Variants in PNKD observed in about 807,000 individuals in gnomAD.
The protein encoded by PNKD is PNKD metallo-beta-lactamase domain containing, also known as probable thioesterase PNKD.
Under a neutral mutation model 45.3 loss-of-function variants are expected in PNKD, and 36 were observed. The observed-to-expected ratio is 0.80, with a 90% CI of 0.61 to 1.05. PNKD has a LOEUF of 1.05. Ranked by LOEUF, PNKD falls within the 50% of genes least tolerant of loss-of-function variation. The pLI is 0.00. For missense variants in PNKD, 511 were observed against 506.6 expected (o/e 1.01, Z -0.08); for synonymous variants, 197 against 210.1 (o/e 0.94, Z 0.54).
chr2:218,329,734 C>T (rs532615934), intron 2 of PNKD, among the ~76,000 whole-genome samples: 3 of 152,362 alleles, frequency 2.0e-5, no homozygotes, highest in East Asian at 1.9e-4. Context: ...CTGGCAACTT[C>T]GGGGAAACCC....
intron 2 of PNKD, among the ~76,000 whole-genome samples, chr2:218,321,490 C>T (rs946078274): frequency 1.1e-4 from 16 of 152,178 alleles, no homozygotes; most frequent in Admixed American, 2.0e-4. Flanking sequence ...GAAGAAACTC[C>T]AGGTCTGTCT....
chr2:218,271,412 T>G lies in PNKD; in HGVS notation c.99T>G (p.Ala33=). The G allele has an allele frequency of 6.2e-7, 1 of 1,614,056 alleles. No homozygotes were observed. Among genetic ancestry groups the G allele is most frequent in the Non-Finnish European group, 8.5e-7 (1 of 1,179,960 alleles). The change falls in exon 2 of 10, where the codon GCT becomes GCG. Residue 33 remains alanine (A), a synonymous_variant. Coordinates refer to ENST00000273077, the MANE Select transcript of PNKD (RefSeq NM_015488.5). ...GILAGATANK[A]SHNRTRALQS... ...TCGCAGGAGCCACAGCTAACAAGGCTTCTCATAACAGGACCCGGGCCCTGC... is the reference window on the plus strand; with the variant it reads ...TCGCAGGAGCCACAGCTAACAAGGCGTCTCATAACAGGACCCGGGCCCTGC...
intron 2 of PNKD, among the ~76,000 whole-genome samples, chr2:218,337,690 C>T (rs1694537696): frequency 5.3e-5 from 8 of 152,120 alleles, no homozygotes; most frequent in Admixed American, 4.6e-4. Context: ...AACTCCCATG[C>T]GTTGTGTGTC....
chr2:218,297,289 A>G (rs1260926162), intron 2 of PNKD, among the ~76,000 whole-genome samples: 2 of 152,346 alleles, frequency 1.3e-5, no homozygotes, highest in South Asian at 2.1e-4. Flanking sequence ...AAGGAAATAG[A>G]GAGTGGAAAG....
intron 2 of PNKD, among the ~76,000 whole-genome samples, chr2:218,332,911 C>T (rs1201495860): frequency 6.6e-6 from 1 of 152,200 alleles, no homozygotes; most frequent in Non-Finnish European, 1.5e-5. Flanking sequence ...TCCAGCCCTG[C>T]CCAAAGACTC....
At chr2:218,287,040 G>C (rs1692578088) in intron 2 of PNKD, among the ~76,000 whole-genome samples, 1 of 152,100 alleles carries the variant, frequency 6.6e-6, no homozygotes, top group Non-Finnish European at 1.5e-5. Context: ...TGAGTAAAAA[G>C]ATACACCCAG....
At chr2:218,317,318 T>A in intron 2 of PNKD, among the ~76,000 whole-genome samples, 1 of 152,188 alleles carries the variant, frequency 6.6e-6, no homozygotes, top group East Asian at 1.9e-4. Context: ...TTTTACAAGC[T>A]CCCTGAGTGG....
At chr2:218,270,935 G>C in intron 1 of PNKD, 1 of 343,944 alleles carries the variant, frequency 2.9e-6, no homozygotes. Context: ...ATAATTAGCA[G>C]TTTGACCTTG....
intron 2 of PNKD, among the ~76,000 whole-genome samples, chr2:218,314,061 A>G (rs1353187196): frequency 2.6e-5 from 4 of 151,464 alleles, no homozygotes; most frequent in Admixed American, 2.6e-4. Context: ...TGCTGGGATT[A>G]CAGGCATGTG....
intron 2 of PNKD, among the ~76,000 whole-genome samples, chr2:218,336,076 G>C (rs1305565360): frequency 2.0e-5 from 3 of 152,096 alleles, no homozygotes; most frequent in Middle Eastern, 6.8e-3. Context: ...TTAGCCAGGC[G>C]TGGTGGTGGG....
At chr2:218,281,311 A>G (rs1474114887) in intron 2 of PNKD, among the ~76,000 whole-genome samples, 1 of 150,724 alleles carries the variant, frequency 6.6e-6, no homozygotes, top group Non-Finnish European at 1.5e-5. Context: ...AAGTTTTTGT[A>G]TTTTTAGTGG....
chr2:218,332,138 A>T (rs1479039480), intron 2 of PNKD, among the ~76,000 whole-genome samples: 2 of 152,172 alleles, frequency 1.3e-5, no homozygotes, highest in Non-Finnish European at 2.9e-5. Flanking sequence ...TCTCAGCAAA[A>T]TGCGGCGCTT....
At chr2:218,288,338 A>T (rs1692688356) in intron 2 of PNKD, among the ~76,000 whole-genome samples, 1 of 152,224 alleles carries the variant, frequency 6.6e-6, no homozygotes, top group Admixed American at 6.5e-5. Flanking sequence ...CTGAGGCAGA[A>T]GAATGGCATG....
intron 2 of PNKD, among the ~76,000 whole-genome samples, chr2:218,303,168 C>T (rs114509413): frequency 2.6e-5 from 4 of 152,112 alleles, no homozygotes; most frequent in African/African-American, 9.7e-5. Context: ...TCTTGAACTC[C>T]TGGCCTCAGT....
chr2:218,282,693 G>C (rs1280173642), intron 2 of PNKD, among the ~76,000 whole-genome samples: 1 of 152,208 alleles, frequency 6.6e-6, no homozygotes, highest in Non-Finnish European at 1.5e-5. Flanking sequence ...TGGAGAGCCG[G>C]GGGAAGAAGT....
intron 2 of PNKD, among the ~76,000 whole-genome samples, chr2:218,322,669 TA>T (rs1409874429): frequency 1.3e-5 from 2 of 152,204 alleles, no homozygotes; most frequent in Non-Finnish European, 2.9e-5. Flanking sequence ...ATCACGCGCA[TA>T]TGTATGTGTA....
intron 2 of PNKD, among the ~76,000 whole-genome samples, chr2:218,333,004 C>G (rs536133703): frequency 6.6e-6 from 1 of 152,206 alleles, no homozygotes; most frequent in Admixed American, 6.5e-5. Context: ...GCCGCTGGCT[C>G]GGTCTTGCAG....
At position 218,345,488 on chromosome 2, in the gene PNKD, G is replaced by C. The variant is rs7586140; in HGVS notation, c.*507G>C. 0.09 allele frequency: 14,065 copies of C among 156,434 alleles called. 674 individuals carry two copies. The highest frequency in any genetic ancestry group is 0.11 in the Non-Finnish European group (7,755 of 70,622). The allele number at this position is 156,434 out of a possible 1,614,324, so 9.7% of individuals were successfully genotyped here. A position where few individuals can be genotyped will look rare whatever the true frequency, so the allele number is the denominator to read the frequency against. On this transcript the variant is annotated 3_prime_UTR_variant, in exon 10 of 10. Transcript: ENST00000273077. ...ATGGGCAGCTGGACTCTGGTGTCCT[G>C]AGACTCTGCCCTCTTCCCACAGCCT...
chr2:218,291,203 G>C (rs1692905707), intron 2 of PNKD, among the ~76,000 whole-genome samples: 1 of 152,172 alleles, frequency 6.6e-6, no homozygotes, highest in Non-Finnish European at 1.5e-5. Flanking sequence ...TTTTACAAGT[G>C]AGGCCTTGAG....
Sources: gnomAD v4.1 joint callset for allele counts (sites outside exome capture counted in the v4.1 genomes callset) on GRCh38, gnomAD v4.1.1 for gene constraint, MANE v1.5 for transcripts, NCBI Gene and HGNC (gene_info 2026-07-23, HGNC 2026-07-21) for gene names.